Variants in TCP11L2 observed in about 807,000 individuals in gnomAD.
TCP11L2 encodes t-complex 11 like 2.
Under a neutral mutation model 50.7 loss-of-function variants are expected in TCP11L2, and 39 were observed. That is an observed-to-expected ratio of 0.77 (90% confidence interval 0.60 to 1.01). TCP11L2 has a LOEUF of 1.01. Among genes scored for constraint, TCP11L2 ranks in the 50% least tolerant of loss-of-function variants. TCP11L2 has a pLI of 0.00. For synonymous variants in TCP11L2, 192 were observed against 219.3 expected (o/e 0.88, Z 1.10); for missense variants, 612 against 614.7 (o/e 1.00, Z 0.05).
At chr12:106,339,826 C>T (rs960726315) in intron 8 of TCP11L2, among the ~76,000 whole-genome samples, 2 of 152,224 alleles carry the variant, frequency 1.3e-5, no homozygotes, top group Admixed American at 6.5e-5. Context: ...AGAATTCCAA[C>T]GTCAGGTCCA....
At chr12:106,332,480 T>G (rs1398305508) in intron 6 of TCP11L2, among the ~76,000 whole-genome samples, 1 of 152,190 alleles carries the variant, frequency 6.6e-6, no homozygotes, top group Non-Finnish European at 1.5e-5. Context: ...TAAAAAGGAA[T>G]GAACTATTGA....
intron 6 of TCP11L2, among the ~76,000 whole-genome samples, chr12:106,327,903 T>C (rs2136750153): frequency 6.6e-6 from 1 of 152,302 alleles, no homozygotes; most frequent in African/African-American, 2.4e-5. Flanking sequence ...CTGTACTAAG[T>C]AAGTAGCAAC....
chr12:106,313,927 G>A (rs945394820), intron 2 of TCP11L2, among the ~76,000 whole-genome samples: 3 of 151,662 alleles, frequency 2.0e-5, no homozygotes, highest in African/African-American at 7.3e-5. Context: ...CACCATGCCC[G>A]GCTAATTTTT....
chr12:106,346,354 A>G lies in TCP11L2; in HGVS notation c.1384A>G (p.Met462Val), dbSNP rs771951691. Residue 462 changes from methionine to valine, a missense_variant, in exon 10 of 10, where the codon ATG (methionine) becomes GTG (valine). By Grantham distance (21) the Met-to-Val change is conservative. Transcript: ENST00000299045. ...AAGCCCTCAAAAATGCATGCCTCCT[A>G]TGCCAGGAGGCCTAGCTGTCATTCA... ...LPSPQKCMPP[M>V]PGGLAVIQQE... The G allele has an allele frequency of 5.6e-6, 9 of 1,613,610 alleles. No individual in the cohort carries two copies. The highest frequency in any genetic ancestry group is 3.3e-5 in the Admixed American group (2 of 60,002).
chr12:106,321,759 A>T, intron 5 of TCP11L2, 53 bp downstream of exon 5: 1 of 1,524,576 alleles, frequency 6.6e-7, no homozygotes, highest in Non-Finnish European at 9.1e-7. Flanking sequence ...TTCATTCAGA[A>T]GGGAAGTTGG....
chr12:106,321,669 G>C lies in TCP11L2; in HGVS notation c.598G>C (p.Glu200Gln), dbSNP rs762045600. ...TCCCGTGCGAGATAATGATATCAGA[G>C]AGTTAAAGGCTACTGGCAACATCGT... The part of the protein sequence containing the change: ...CAPVRDNDIR[E>Q]LKATGNIVEV... Residue 200 changes from glutamate to glutamine, a missense_variant, in exon 5 of 10, where the codon GAG becomes CAG. Glu to Gln is a conservative substitution (Grantham distance 29). Transcript: ENST00000299045. 5 of 1,614,200 alleles carry C rather than the reference G, an allele frequency of 3.1e-6. No individual in the cohort carries two copies. The highest frequency in any genetic ancestry group is 4.2e-6 in the Non-Finnish European group (5 of 1,180,034).
At chr12:106,329,198 C>G in intron 6 of TCP11L2, 1 of 1,101,822 alleles carries the variant, frequency 9.1e-7, no homozygotes, top group Admixed American at 2.1e-5. Flanking sequence ...CTAGGAACTT[C>G]TCGAGTGCAG....
intron 1 of TCP11L2, among the ~76,000 whole-genome samples, chr12:106,308,452 T>C (rs1473727167): frequency 1.3e-5 from 2 of 152,198 alleles, no homozygotes; most frequent in Admixed American, 1.3e-4. Flanking sequence ...CCAGCTAAAG[T>C]AGAAAAATGA....
intron 3 of TCP11L2, among the ~76,000 whole-genome samples, chr12:106,317,094 T>G (rs1354441614): frequency 6.6e-6 from 1 of 152,242 alleles, no homozygotes; most frequent in Admixed American, 6.5e-5. Flanking sequence ...AGCATAAAAG[T>G]GCCTTGCACA....
At chr12:106,313,193 A>G (rs954862135) in intron 2 of TCP11L2, among the ~76,000 whole-genome samples, 14 of 152,218 alleles carry the variant, frequency 9.2e-5, no homozygotes, top group Non-Finnish European at 1.9e-4. Flanking sequence ...CCCTGTGAGG[A>G]GGAAGGCTAT....
intron 9 of TCP11L2, among the ~76,000 whole-genome samples, chr12:106,344,259 CT>C (rs2036170319): frequency 6.6e-6 from 1 of 152,110 alleles, no homozygotes; most frequent in Non-Finnish European, 1.5e-5. Context: ...CGTTATTTAT[CT>C]TTATAGACTC....
intron 9 of TCP11L2, among the ~76,000 whole-genome samples, chr12:106,343,024 T>A (rs1359708860): frequency 1.3e-5 from 2 of 152,244 alleles, no homozygotes; most frequent in Non-Finnish European, 2.9e-5. Context: ...AAAGCATTTT[T>A]AATCTCATTC....
At chr12:106,302,323 C>G (rs1308605933), upstream of TCP11L2, among the ~76,000 whole-genome samples, 6 of 111,956 alleles carry the variant, frequency 5.4e-5, no homozygotes, top group Admixed American at 1.8e-4. Flanking sequence ...CCCCGCTCCC[C>G]CCGCTCAGCC....
chr12:106,303,434 A>C (rs1043520840), intron 1 of TCP11L2: 1 of 152,296 alleles, frequency 6.6e-6, no homozygotes, highest in Non-Finnish European at 1.5e-5. Context: ...CCCTCCCCCA[A>C]GGGTTTGTTT....
At chr12:106,313,764 A>ATTT (rs34867730) in intron 2 of TCP11L2, among the ~76,000 whole-genome samples, 16 of 113,886 alleles carry the variant, frequency 1.4e-4, no homozygotes, top group Non-Finnish European at 1.7e-4. Flanking sequence ...AGGTAATTTA[A>ATTT]TTTTTTTTTT....
intron 9 of TCP11L2, among the ~76,000 whole-genome samples, chr12:106,343,157 G>A (rs2036138590): frequency 6.6e-6 from 1 of 152,130 alleles, no homozygotes; most frequent in African/African-American, 2.4e-5. Context: ...CAAACACTCC[G>A]GTCACTTTAG....
At chr12:106,312,333 G>A (rs2034893617) in intron 2 of TCP11L2, 1 of 960,204 alleles carries the variant, frequency 1.0e-6, no homozygotes, top group South Asian at 1.4e-5. Context: ...TTTCTGGAAA[G>A]ACTTTTGGAT....
chr12:106,300,067 T>C (rs1178386009), upstream of TCP11L2, among the ~76,000 whole-genome samples: 1 of 152,120 alleles, frequency 6.6e-6, no homozygotes, highest in Non-Finnish European at 1.5e-5. Flanking sequence ...GTTCTCTAAG[T>C]GGTTCAAAAA....
intron 4 of TCP11L2, among the ~76,000 whole-genome samples, chr12:106,320,835 T>C (rs2035309081): frequency 6.6e-6 from 1 of 152,264 alleles, no homozygotes; most frequent in Admixed American, 6.5e-5. Context: ...AATTATTATT[T>C]ATTTTTGAAC....
Sources: allele counts gnomAD v4.1 joint callset (sites outside exome capture counted in the v4.1 genomes callset), GRCh38; gene constraint gnomAD v4.1.1; transcripts MANE v1.5; gene names NCBI Gene and HGNC (gene_info 2026-07-23, HGNC 2026-07-21).